The following AAK1 variants were observed in gnomAD, a reference collection of about 807,000 sequenced individuals.
AAK1 encodes AP2 associated kinase 1.
Under a neutral mutation model 116.0 loss-of-function variants are expected in AAK1, and 37 were observed. The observed-to-expected ratio is 0.32, with a 90% CI of 0.25 to 0.42. The LOEUF (loss-of-function observed/expected upper bound fraction) is 0.42. Among genes scored for constraint, AAK1 ranks in the 10% least tolerant of loss-of-function variants. The probability of loss-of-function intolerance (pLI) is 1.00; values close to 1 mark genes in which losing one functional copy is unlikely to be tolerated. For synonymous variants in AAK1, 458 were observed against 439.9 expected, an observed-to-expected ratio of 1.04 and a Z score of -0.51; for missense variants, 919 against 1,170.6, an observed-to-expected ratio of 0.79 and a Z score of 3.14.
chr2:69,488,149 C>CGTGTGTGTGTGTGTGTGTGT lies in AAK1; in HGVS notation c.2366-5357_2366-5338dup, dbSNP rs58575925. Among the ~76,000 whole-genome samples, 161 of 144,648 alleles carry CGTGTGTGTGTGTGTGTGTGT rather than the reference C, an allele frequency of 1.1e-3. 3 individuals are homozygous for CGTGTGTGTGTGTGTGTGTGT. The highest frequency in any genetic ancestry group is 3.8e-3 in the African/African-American group (147 of 39,092). The allele number at this position is 144,648 out of a possible 152,430, so 94.9% of individuals were successfully genotyped here. ...CAGACTCTAAACGTGTGTGTGTGGACGTGTGTGTGTGTGTGTGTGTGTGTG... is the reference window on the plus strand; with the variant it reads ...CAGACTCTAAACGTGTGTGTGTGGACGTGTGTGTGTGTGTGTGTGTGTGTGTGTGTGTGTGTGTGTGTGTG... On this transcript the variant is annotated intron_variant, in intron 17 of 21. Coordinates refer to ENST00000409085, the MANE Select transcript of AAK1 (RefSeq NM_014911.5).
At position 69,579,040 on chromosome 2, in the gene AAK1, G is replaced by A. The variant is rs920422811; in HGVS notation, c.164-22062C>T. Among the ~76,000 whole-genome samples, 13 of 152,044 alleles carry A rather than the reference G, an allele frequency of 8.6e-5. No homozygotes were observed. The South Asian group carries it at 1.5e-3, about 17-fold the overall frequency. On this transcript the variant is annotated intron_variant, in intron 2 of 21. Transcript: ENST00000409085. ...AGGATGGTCTCGATCTCCTGACCTC[G>A]TCTTTACCTCTTTCTTGATCCAACT...
chr2:69,531,480 C>T (rs1221518175), intron 6 of AAK1: 9 of 688,052 alleles, frequency 1.3e-5, no homozygotes, highest in Non-Finnish European at 1.6e-5. Flanking sequence ...GTAAAAAATC[C>T]AACATTGTGG....
At chr2:69,477,819 T>C (rs1176758400) in intron 20 of AAK1, among the ~76,000 whole-genome samples, 1 of 152,230 alleles carries the variant, frequency 6.6e-6, no homozygotes, top group Admixed American at 6.5e-5. Flanking sequence ...AGGTGATTAT[T>C]TTTAGTCATT....
At chr2:69,628,945 C>T (rs981324221) in intron 2 of AAK1, among the ~76,000 whole-genome samples, 3 of 152,210 alleles carry the variant, frequency 2.0e-5, no homozygotes, top group East Asian at 3.8e-4. Flanking sequence ...TACTCAACTA[C>T]AGGTACCACC....
intron 5 of AAK1, among the ~76,000 whole-genome samples, chr2:69,536,289 T>C (rs1020902381): frequency 6.6e-6 from 1 of 152,174 alleles, no homozygotes; most frequent in African/African-American, 2.4e-5. Context: ...ATTCAGCATT[T>C]TTCTCAGGTC....
chr2:69,492,163 A>G (rs1675547660), intron 17 of AAK1, among the ~76,000 whole-genome samples: 1 of 152,204 alleles, frequency 6.6e-6, no homozygotes, highest in Non-Finnish European at 1.5e-5. Context: ...AGCATAAAAT[A>G]AAAAAGTTAA....
chr2:69,504,119 G>C (rs1440482694), intron 16 of AAK1, among the ~76,000 whole-genome samples: 1 of 152,072 alleles, frequency 6.6e-6, no homozygotes, highest in African/African-American at 2.4e-5. Context: ...ATATCAGGTT[G>C]GGTGTGGTAG....
rs767183562 is a variant in AAK1, at chr2:69,459,890, A to G, written c.*15979T>C. ...CTTGCAAGTGTTCTTGGTGGTTAAA[A>G]AACAAAACAAAACTACAAGTATCAG... On this transcript the variant is annotated 3_prime_UTR_variant, in exon 22 of 22. Transcript: ENST00000409085. The G allele has an allele frequency of 2.6e-5, 4 of 152,180 alleles. No homozygotes were observed. The highest frequency in any genetic ancestry group is 5.9e-5 in the Non-Finnish European group (4 of 68,024). 9.4% of individuals were successfully genotyped at this position (152,180 alleles called of 1,614,324 possible).
At chr2:69,512,686 T>C (rs966127911) in intron 13 of AAK1, among the ~76,000 whole-genome samples, 1 of 152,212 alleles carries the variant, frequency 6.6e-6, no homozygotes, top group South Asian at 2.1e-4. Context: ...GGCCAAAGCA[T>C]GGTCTATTTC....
chr2:69,613,867 G>A (rs1397259687), intron 2 of AAK1, among the ~76,000 whole-genome samples: 2 of 152,234 alleles, frequency 1.3e-5, no homozygotes, highest in African/African-American at 4.8e-5. Context: ...CAGGAGGAAG[G>A]GGTAATGAGA....
rs1674456220 is a variant in AAK1, at chr2:69,465,489, T to C, written c.*10380A>G. 3 of 1,290,754 alleles carry C rather than the reference T, an allele frequency of 2.3e-6. No homozygotes were observed. The highest frequency in any genetic ancestry group is 3.0e-6 in the Non-Finnish European group (3 of 988,878). The allele number at this position is 1,290,754 out of a possible 1,614,324, so 80.0% of individuals were successfully genotyped here. A position where few individuals can be genotyped will look rare whatever the true frequency, so the allele number is the denominator to read the frequency against. On this transcript the variant is annotated 3_prime_UTR_variant, in exon 22 of 22. Coordinates refer to ENST00000409085, the MANE Select transcript of AAK1 (RefSeq NM_014911.5). Reference sequence around the variant, plus strand: ...AGCAAATGGATCAGCAGCTGGCAGCTCCGTAGTCCTGGAGGAAAGGGATGT... The same window carrying C: ...AGCAAATGGATCAGCAGCTGGCAGCCCCGTAGTCCTGGAGGAAAGGGATGT...
intron 3 of AAK1, 47 bp downstream of exon 3, chr2:69,556,813 T>C: frequency 6.8e-7 from 1 of 1,460,026 alleles, no homozygotes; most frequent in Admixed American, 1.7e-5. Context: ...GAGGGTACAA[T>C]CTCTGCCTCC....
At chr2:69,592,840 T>C (rs1411948716) in intron 2 of AAK1, among the ~76,000 whole-genome samples, 1 of 152,226 alleles carries the variant, frequency 6.6e-6, no homozygotes, top group African/African-American at 2.4e-5. Context: ...ACATGAATTT[T>C]GTACACTCCA....
rs1397410513 is a variant in AAK1, at chr2:69,469,392, CTTTT to C, written c.*6473_*6476del. 5.1e-6 allele frequency: 5 copies of C among 985,256 alleles called. No individual in the cohort carries two copies. The highest frequency in any genetic ancestry group is 1.2e-6 in the Non-Finnish European group (1 of 829,930). 61.0% of individuals were successfully genotyped at this position (985,256 alleles called of 1,614,324 possible). On this transcript the variant is annotated 3_prime_UTR_variant, in exon 22 of 22. Coordinates refer to ENST00000409085, the MANE Select transcript of AAK1 (RefSeq NM_014911.5). Reference sequence around the variant, plus strand: ...TTAAATCTTGTTGGCAGATAAAAGTCTTTTTTTGAGTATGTGAATGTGTTCTTAC... The same window carrying C: ...TTAAATCTTGTTGGCAGATAAAAGTCTTTGAGTATGTGAATGTGTTCTTAC...
At chr2:69,515,308 G>C (rs1426979511) in intron 12 of AAK1, among the ~76,000 whole-genome samples, 2 of 152,080 alleles carry the variant, frequency 1.3e-5, no homozygotes, top group Admixed American at 1.3e-4. Flanking sequence ...TAGCCAGTGT[G>C]CTCTATGACG....
intron 19 of AAK1, among the ~76,000 whole-genome samples, chr2:69,480,637 C>G (rs889989687): frequency 2.0e-5 from 3 of 152,116 alleles, no homozygotes; most frequent in African/African-American, 7.2e-5. Flanking sequence ...GCCCAGAGAT[C>G]ACTCCACAGA....
chr2:69,478,860 T>A (rs74434369), intron 20 of AAK1, 91 bp downstream of exon 20: 29,151 of 1,057,810 alleles, frequency 0.028, 2,218 homozygotes, highest in East Asian at 0.21. Flanking sequence ...ACTTCACTAG[T>A]AAAGACTTTT....
At chr2:69,618,582 T>G (rs1170744248) in intron 2 of AAK1, among the ~76,000 whole-genome samples, 3 of 152,168 alleles carry the variant, frequency 2.0e-5, no homozygotes, top group African/African-American at 7.2e-5. Flanking sequence ...AAATTCCTGC[T>G]CCTTTGAGCT....
chr2:69,512,889 T>C (rs1324685168), intron 13 of AAK1, among the ~76,000 whole-genome samples: 1 of 152,228 alleles, frequency 6.6e-6, no homozygotes, highest in African/African-American at 2.4e-5. Context: ...TGGATGAGCA[T>C]TTGTTATAAT....
Sources: allele counts gnomAD v4.1 joint callset (sites outside exome capture counted in the v4.1 genomes callset), GRCh38; gene constraint gnomAD v4.1.1; transcripts MANE v1.5; gene names NCBI Gene and HGNC (gene_info 2026-07-23, HGNC 2026-07-21).